The following INPP4B variants were observed in gnomAD, a reference collection of about 807,000 sequenced individuals.
INPP4B encodes the protein inositol polyphosphate-4-phosphatase type II B, also known as inositol polyphosphate 4-phosphatase type II.
A neutral mutation model predicts 122.5 loss-of-function variants in INPP4B; 55 were observed. The ratio of observed to expected loss-of-function variants is 0.45; its 90% CI spans 0.36 to 0.56. INPP4B has a LOEUF of 0.56. Among genes scored for constraint, INPP4B ranks in the 20% least tolerant of loss-of-function variants. INPP4B has a pLI of 0.00. For synonymous variants in INPP4B, 403 were observed against 388.7 expected, an observed-to-expected ratio of 1.04 and a Z score of -0.43; for missense variants, 1,000 against 1,097.7, an observed-to-expected ratio of 0.91 and a Z score of 1.26.
chr4:142,452,988 T>C (rs1814640282), intron 3 of INPP4B, among the ~76,000 whole-genome samples: 2 of 152,196 alleles, frequency 1.3e-5, no homozygotes, highest in African/African-American at 4.8e-5. Context: ...TTCTCTGACA[T>C]CTTCTGGAAA....
intron 25 of INPP4B, among the ~76,000 whole-genome samples, chr4:142,044,162 C>T (rs142171958): frequency 1.5e-3 from 229 of 152,084 alleles, no homozygotes; most frequent in African/African-American, 4.9e-3. Flanking sequence ...TGATGTATGA[C>T]GTTAGTTAGA....
intron 25 of INPP4B, among the ~76,000 whole-genome samples, chr4:142,035,734 G>A (rs1466564064): frequency 6.6e-6 from 1 of 152,176 alleles, no homozygotes; most frequent in East Asian, 1.9e-4. Context: ...CTGTGGTCTG[G>A]TTGCAAAGAA....
intron 2 of INPP4B, among the ~76,000 whole-genome samples, chr4:142,656,388 G>T (rs771316711): frequency 2.6e-5 from 4 of 152,194 alleles, no homozygotes; most frequent in Non-Finnish European, 2.9e-5. Context: ...ATGAAATGGG[G>T]ACACAAAACC....
chr4:142,434,473 A>G (rs1810009083), intron 3 of INPP4B, among the ~76,000 whole-genome samples: 1 of 152,222 alleles, frequency 6.6e-6, no homozygotes, highest in Non-Finnish European at 1.5e-5. Flanking sequence ...GGGGTGGAAG[A>G]GAGCCCATCA....
chr4:142,844,285 C>G (rs962747814), intron 1 of INPP4B, among the ~76,000 whole-genome samples: 7 of 152,096 alleles, frequency 4.6e-5, no homozygotes, highest in Non-Finnish European at 8.8e-5. Flanking sequence ...TATTTTATCA[C>G]AAATAAATAT....
chr4:142,515,270 T>G (rs2149888874), intron 2 of INPP4B, among the ~76,000 whole-genome samples: 1 of 152,290 alleles, frequency 6.6e-6, no homozygotes, highest in East Asian at 1.9e-4. Context: ...ATGAATTGTT[T>G]AACATGGGAT....
chr4:142,440,001 A>T (rs1811339303), intron 3 of INPP4B, among the ~76,000 whole-genome samples: 1 of 152,184 alleles, frequency 6.6e-6, no homozygotes, highest in Non-Finnish European at 1.5e-5. Context: ...TACTTTATAG[A>T]TATACATTTT....
chr4:142,402,454 G>A (rs1554049187), intron 7 of INPP4B, among the ~76,000 whole-genome samples: 1 of 152,134 alleles, frequency 6.6e-6, no homozygotes, highest in Non-Finnish European at 1.5e-5. Context: ...AGCAGTTAAC[G>A]TTTCTTCCTA....
intron 9 of INPP4B, among the ~76,000 whole-genome samples, chr4:142,288,407 AC>A (rs1754840836): frequency 6.6e-6 from 1 of 152,108 alleles, no homozygotes. Context: ...ACATGGTGAA[AC>A]CCCATCTCTA....
chr4:142,103,600 CT>C (rs1465921782), intron 23 of INPP4B, among the ~76,000 whole-genome samples: 1 of 152,060 alleles, frequency 6.6e-6, no homozygotes, highest in Admixed American at 6.6e-5. Context: ...AAAAGAGCAA[CT>C]ATTGTTTCAG....
chr4:142,301,492 G>C (rs1339673978), intron 9 of INPP4B, among the ~76,000 whole-genome samples: 1 of 152,140 alleles, frequency 6.6e-6, no homozygotes, highest in Non-Finnish European at 1.5e-5. Context: ...AATCCCACTT[G>C]CACAGTCAGC....
At chr4:142,450,167 C>T (rs537288684) in intron 3 of INPP4B, among the ~76,000 whole-genome samples, 36 of 152,270 alleles carry the variant, frequency 2.4e-4, no homozygotes, top group African/African-American at 8.2e-4. Context: ...AGCTCTGCTG[C>T]CCAACTCTTG....
At chr4:142,154,905 T>C (rs1230924215) in intron 17 of INPP4B, among the ~76,000 whole-genome samples, 2 of 152,012 alleles carry the variant, frequency 1.3e-5, no homozygotes, top group Admixed American at 6.6e-5. Flanking sequence ...CATGAACACA[T>C]GGAGAAAACA....
At chr4:142,344,190 C>T (rs962519561) in intron 7 of INPP4B, among the ~76,000 whole-genome samples, 6 of 152,044 alleles carry the variant, frequency 3.9e-5, no homozygotes, top group African/African-American at 7.2e-5. Context: ...GAAATAACCA[C>T]AGAAATAAGA....
At chr4:142,409,118 T>A (rs1465777983) in intron 5 of INPP4B, among the ~76,000 whole-genome samples, 2 of 152,114 alleles carry the variant, frequency 1.3e-5, no homozygotes, top group Non-Finnish European at 2.9e-5. Flanking sequence ...CCTACAGGCA[T>A]CCCCAGCTCA....
chr4:142,728,573 A>G (rs756590280), intron 1 of INPP4B, among the ~76,000 whole-genome samples: 1 of 152,210 alleles, frequency 6.6e-6, no homozygotes, highest in African/African-American at 2.4e-5. Context: ...GAGATGAGAC[A>G]CAGGGATGGA....
At chr4:142,678,800 GAA>G (rs1758172816) in intron 2 of INPP4B, among the ~76,000 whole-genome samples, 1 of 151,844 alleles carries the variant, frequency 6.6e-6, no homozygotes, top group Admixed American at 6.6e-5. Context: ...GGAGCATTTA[GAA>G]AGTTGAATGT....
chr4:142,044,176 A>G (rs1246134877), intron 25 of INPP4B, among the ~76,000 whole-genome samples: 2 of 152,192 alleles, frequency 1.3e-5, no homozygotes, highest in East Asian at 1.9e-4. Context: ...AGTTAGATAT[A>G]GATAATAAAA....
At chr4:142,614,124 G>A (rs1743185123) in intron 2 of INPP4B, among the ~76,000 whole-genome samples, 1 of 152,280 alleles carries the variant, frequency 6.6e-6, no homozygotes, top group Admixed American at 6.5e-5. Context: ...ACAGGAGGCT[G>A]AGGCAGGAGA....
Sources: gnomAD v4.1 joint callset for allele counts (sites outside exome capture counted in the v4.1 genomes callset) on GRCh38, gnomAD v4.1.1 for gene constraint, MANE v1.5 for transcripts, NCBI Gene and HGNC (gene_info 2026-07-23, HGNC 2026-07-21) for gene names.